The following NTMT1 variants were observed in gnomAD, a reference collection of about 807,000 sequenced individuals.
The protein encoded by NTMT1 is N-terminal RCC1 methyltransferase.
In NTMT1, 8 loss-of-function variants were observed where a neutral mutation model predicts 17.5. That is an observed-to-expected ratio of 0.46 (90% confidence interval 0.27 to 0.82). The LOEUF is 0.82. NTMT1 is among the 40% of genes least tolerant of loss of function. The probability of loss-of-function intolerance (pLI) is 0.15; values close to 1 mark genes in which losing one functional copy is unlikely to be tolerated. For missense variants in NTMT1, 221 were observed against 303.5 expected (o/e 0.73, Z 2.02); for synonymous variants, 128 against 126.8 (o/e 1.01, Z -0.06).
intron 1 of NTMT1, among the ~76,000 whole-genome samples, chr9:129,616,210 G>A (rs1353521154): frequency 6.6e-6 from 1 of 152,088 alleles, no homozygotes; most frequent in Non-Finnish European, 1.5e-5. Context: ...ACAGGGAGCT[G>A]TTTTTTGTTT....
At chr9:129,610,222 GA>G (rs1218947013) in intron 1 of NTMT1, among the ~76,000 whole-genome samples, 3 of 45,410 alleles carry the variant, frequency 6.6e-5, no homozygotes, top group Non-Finnish European at 1.1e-4. Flanking sequence ...AGGGGGAGGG[GA>G]AAGGGGGAGG....
At position 129,619,783 on chromosome 9, in the gene NTMT1, C is replaced by G. The variant is rs143974399; in HGVS notation, c.-55+10605C>G. 148 of 1,614,100 alleles carry G rather than the reference C, an allele frequency of 9.2e-5. No individual in the cohort carries two copies. In the African/African-American group the frequency reaches 1.8e-3, roughly 20 times the overall value. ...GAACAGTTGGGACACCGCGGAGACCCTGGGCAGTGCTCTAATACACCCCTT... is the reference window on the plus strand; with the variant it reads ...GAACAGTTGGGACACCGCGGAGACCGTGGGCAGTGCTCTAATACACCCCTT... On this transcript the variant is annotated intron_variant, in intron 1 of 3. Coordinates refer to the NTMT1 transcript ENST00000372486.
rs779632244 is a variant in NTMT1 at position 129,635,426 on chromosome 9, G to A, written c.634G>A (p.Asp212Asn). Residue 212 changes from aspartate (D) to asparagine (N), a missense_variant, in exon 4 of 4, where the codon GAT (aspartate) becomes AAT (asparagine). By Grantham distance (23) the Asp-to-Asn change is conservative. Transcript: ENST00000372483. ...CGAGGAGAGGCAGGAGAACCTCCCC[G>A]ATGAGATCTACCATGTCTATAGCTT... ...LAEERQENLPDEIYHVYSFAL... is the reference protein window; with the variant it reads ...LAEERQENLPNEIYHVYSFAL... The A allele has an allele frequency of 4.0e-5, 64 of 1,612,614 alleles. No homozygotes were observed. The highest frequency in any genetic ancestry group is 5.2e-5 in the Non-Finnish European group (61 of 1,179,846).
intron 2 of NTMT1, 167 bp downstream of exon 2, chr9:129,633,032 A>G (rs776377881): frequency 4.3e-6 from 3 of 697,300 alleles, no homozygotes; most frequent in Non-Finnish European, 7.1e-6. Flanking sequence ...ACAGTGGGGT[A>G]ACTTCTAGAT....
At chr9:129,621,888 C>T (rs1018749765), upstream of NTMT1, among the ~76,000 whole-genome samples, 1 of 152,202 alleles carries the variant, frequency 6.6e-6, no homozygotes, top group African/African-American at 2.4e-5. Flanking sequence ...TCTCTACAGG[C>T]AGGCTGTAGA....
Position 129,635,071 on chromosome 9 carries a change from G to C in NTMT1, c.416-137G>C, listed in dbSNP as rs1831450437. On this transcript the variant is annotated intron_variant, in intron 3 of 3. Coordinates refer to ENST00000372483, the MANE Select transcript of NTMT1 (RefSeq NM_014064.4). ...GGGGTTTAGTAAATCTCTCGGGACT[G>C]AGAGCCAATGAGGCCATGTGTGCAC... The C allele has an allele frequency of 5.6e-5, 56 of 991,618 alleles. 1 individual carries two copies. In the South Asian group the frequency reaches 6.9e-4, roughly 12 times the overall value. 61.4% of individuals were successfully genotyped at this position (991,618 alleles called of 1,614,324 possible).
chr9:129,613,503 G>A lies in NTMT1; in HGVS notation c.-55+4325G>A, dbSNP rs1172530414. ...CCTTGGCCCCAGGGTACAGGGCTTT[G>A]GGCAAACTCTCCAGCCGTTTTCCGA... On this transcript the variant is annotated intron_variant, in intron 1 of 3. Coordinates refer to the NTMT1 transcript ENST00000372486. The surrounding 1 kb of genome is among the most constrained non-coding windows in gnomAD (Gnocchi z 6.2). 6.2e-7 allele frequency: 1 copy of A among 1,614,168 alleles called. No homozygotes were observed. The highest frequency in any genetic ancestry group is 1.7e-5 in the Admixed American group (1 of 60,020).
intron 1 of NTMT1, among the ~76,000 whole-genome samples, chr9:129,628,146 C>T (rs1358127930): frequency 6.6e-6 from 1 of 152,218 alleles, no homozygotes; most frequent in Non-Finnish European, 1.5e-5. Context: ...GGCATCTGTG[C>T]TCTGGAGCAG....
rs1831499829 is a variant in NTMT1, at chr9:129,635,531, T to G, written c.*67T>G. 6.5e-7 allele frequency: 1 copy of G among 1,547,366 alleles called. No individual in the cohort carries two copies. The highest frequency in any genetic ancestry group is 1.4e-5 in the African/African-American group (1 of 73,434). ...GGGGGGAGCTGGCAGCTGGGCAAGA[T>G]CCAGGCGCCACGCTGGCGGTTCGTG... On this transcript the variant is annotated 3_prime_UTR_variant, in exon 4 of 4. Coordinates refer to ENST00000372483, the MANE Select transcript of NTMT1 (RefSeq NM_014064.4).
chr9:129,615,731 T>A, intron 1 of NTMT1: 1 of 1,411,236 alleles, frequency 7.1e-7, no homozygotes, highest in Non-Finnish European at 9.3e-7. Context: ...CGCTGTGAGA[T>A]CCTGGACAAG....
chr9:129,627,857 G>A (rs1295913835), intron 1 of NTMT1, among the ~76,000 whole-genome samples: 3 of 152,332 alleles, frequency 2.0e-5, no homozygotes, highest in Middle Eastern at 3.4e-3. Flanking sequence ...AGAGACTTAC[G>A]TGAGGAGGAT....
rs370769035 is a variant in NTMT1, at chr9:129,634,061, C to T, written c.170C>T (p.Pro57Leu). 1.5e-5 allele frequency: 25 copies of T among 1,613,500 alleles called. 1 individual carries two copies. Among genetic ancestry groups the T allele is most frequent in the Middle Eastern group, 3.3e-4 (2 of 6,058 alleles). The change falls in exon 3 of 4, where the codon CCG (proline) becomes CTG (leucine). Residue 57 changes from proline (P) to leucine (L), a missense_variant. Transcript: ENST00000372483. ...TATGCCTCTGCTTTTCAGGAAGGCC[C>T]GAACAAGACAGGAACGTCCTGTGCC... The part of the protein sequence containing the change: ...KFLQRFLREG[P>L]NKTGTSCALD...
intron 1 of NTMT1, among the ~76,000 whole-genome samples, chr9:129,631,726 G>A (rs1831178527): frequency 2.0e-5 from 3 of 152,132 alleles, no homozygotes; most frequent in Admixed American, 6.6e-5. Context: ...CAGTGCCGTC[G>A]CCCTCCACCT....
intron 3 of NTMT1, chr9:129,634,954 A>C: frequency 3.9e-6 from 2 of 512,438 alleles, no homozygotes; most frequent in Non-Finnish European, 7.0e-6. Flanking sequence ...GGTATCAGGC[A>C]GGACTTGTAA....
intron 1 of NTMT1, among the ~76,000 whole-genome samples, chr9:129,630,667 C>G (rs75646794): frequency 0.024 from 3,726 of 152,322 alleles, 54 homozygotes; most frequent in Non-Finnish European, 0.038. Context: ...CTCCAGGAGT[C>G]AGGCAGACGG....
rs532750590 is a variant in NTMT1 at position 129,635,673 on chromosome 9, G to A, written c.*209G>A. ...TGCTGCTGAACCAGCGGTGAGGCAG[G>A]AGCCCAGACCCTGCTCTCCTGCGAG... On this transcript the variant is annotated 3_prime_UTR_variant, in exon 4 of 4. Transcript: ENST00000372483. The A allele has an allele frequency of 5.7e-5, 35 of 614,266 alleles. No homozygotes were observed. In the Admixed American group the frequency reaches 7.4e-4, roughly 13 times the overall value. 38.1% of individuals were successfully genotyped at this position (614,266 alleles called of 1,614,324 possible). A position where few individuals can be genotyped will look rare whatever the true frequency, so the allele number is the denominator to read the frequency against.
At position 129,620,653 on chromosome 9, in the gene NTMT1, C is replaced by A. The variant is rs978541254; in HGVS notation, c.-55+11475C>A. ...CCGGCTGAGGTGGGGAGGGCATAGT[C>A]CAGCCCCAGGCCATAGTGCCCCGGG... On this transcript the variant is annotated intron_variant, in intron 1 of 3. Coordinates refer to the NTMT1 transcript ENST00000372486. The surrounding 1 kb of genome is among the most constrained non-coding windows in gnomAD (Gnocchi z 5.8). 2 of 1,224,964 alleles carry A rather than the reference C, an allele frequency of 1.6e-6. No homozygotes were observed. Among genetic ancestry groups the A allele is most frequent in the African/African-American group, 3.1e-5 (2 of 64,232 alleles). The allele number at this position is 1,224,964 out of a possible 1,614,324, so 75.9% of individuals were successfully genotyped here.
intron 1 of NTMT1, chr9:129,615,467 C>G: frequency 6.4e-7 from 1 of 1,566,522 alleles, no homozygotes. Context: ...TCGAGGCTCC[C>G]CATCCTGTCT....
rs1420032552 is a variant in NTMT1, at chr9:129,620,041, GC to G, written c.-55+10869del. On this transcript the variant is annotated intron_variant, in intron 1 of 3. Transcript: ENST00000372486. The surrounding 1 kb of genome is among the most constrained non-coding windows in gnomAD (Gnocchi z 5.8). Reference sequence around the variant, plus strand: ...CCCCCACCGGAAATGACTCGGGCCCGCCCCCCGGGCCCCGCGGGGCCTCACT... The same window carrying G: ...CCCCCACCGGAAATGACTCGGGCCCGCCCCCGGGCCCCGCGGGGCCTCACT... 7 of 1,452,346 alleles carry G rather than the reference GC, an allele frequency of 4.8e-6. No individual in the cohort carries two copies. The highest frequency in any genetic ancestry group is 2.5e-5 in the East Asian group (1 of 40,028). 90.0% of individuals were successfully genotyped at this position (1,452,346 alleles called of 1,614,324 possible).
Sources: allele counts gnomAD v4.1 joint callset (sites outside exome capture counted in the v4.1 genomes callset), GRCh38; gene constraint gnomAD v4.1.1; non-coding constraint Gnocchi (gnomAD v3.1); transcripts MANE v1.5; gene names NCBI Gene and HGNC (gene_info 2026-07-23, HGNC 2026-07-21).